CCDC40: variants seen among roughly 807,000 people sequenced by gnomAD.
CCDC40 encodes the protein coiled-coil domain 40 molecular ruler complex subunit, also known as coiled-coil domain-containing protein 40.
In CCDC40, 104 loss-of-function variants were observed where a neutral mutation model predicts 124.5. That is an observed-to-expected ratio of 0.84 (90% CI 0.71 to 0.98). The LOEUF (loss-of-function observed/expected upper bound fraction) is 0.98. Among genes scored for constraint, CCDC40 ranks in the 50% least tolerant of loss-of-function variants. CCDC40 has a pLI of 0.00. For missense variants in CCDC40, 1,463 were observed against 1,503.9 expected, an observed-to-expected ratio of 0.97 and a Z score of 0.45; for synonymous variants, 580 against 602.9, an observed-to-expected ratio of 0.96 and a Z score of 0.56.
intron 9 of CCDC40, among the ~76,000 whole-genome samples, chr17:80,060,831 G>A (rs1001928679): frequency 2.0e-5 from 3 of 152,186 alleles, no homozygotes; most frequent in Non-Finnish European, 2.9e-5. Flanking sequence ...TTACCAGAGA[G>A]CTAATGAATT....
intron 10 of CCDC40, among the ~76,000 whole-genome samples, chr17:80,073,536 G>A (rs2038241794): frequency 6.6e-6 from 1 of 152,190 alleles, no homozygotes; most frequent in South Asian, 2.1e-4. Context: ...ACTGAATCAA[G>A]ACATGTCGTG....
At position 80,047,351 on chromosome 17, in the gene CCDC40, G is replaced by T. The variant is rs750192339; in HGVS notation, c.625G>T (p.Gly209Trp). 6.2e-7 allele frequency: 1 copy of T among 1,613,792 alleles called. No individual in the cohort carries two copies. Among genetic ancestry groups the T allele is most frequent in the South Asian group, 1.1e-5 (1 of 91,044 alleles). Residue 209 changes from glycine (G) to tryptophan (W), a missense_variant, in exon 4 of 20, where the codon GGG becomes TGG. Physicochemically the swap from Gly to Trp is radical, Grantham distance 184. Transcript: ENST00000397545. ...CCAGCACCGCTTCCGGCTGAGCCACGGGAGCGACATCGAGTCCTCAGACCT... is the reference window on the plus strand; with the variant it reads ...CCAGCACCGCTTCCGGCTGAGCCACTGGAGCGACATCGAGTCCTCAGACCT... ...GVQHRFRLSHGSDIESSDLEE... is the reference protein window; with the variant it reads ...GVQHRFRLSHWSDIESSDLEE...
At chr17:80,074,641 A>G (rs2038270481) in intron 10 of CCDC40, among the ~76,000 whole-genome samples, 1 of 152,028 alleles carries the variant, frequency 6.6e-6, no homozygotes, top group Non-Finnish European at 1.5e-5. Context: ...AAGAAAGAAA[A>G]TGTACCTGGT....
intron 7 of CCDC40, among the ~76,000 whole-genome samples, chr17:80,053,629 G>C (rs918550892): frequency 6.6e-6 from 1 of 152,138 alleles, no homozygotes; most frequent in Non-Finnish European, 1.5e-5. Flanking sequence ...GTCTCTCTCT[G>C]TCGCCCAGGC....
intron 3 of CCDC40, among the ~76,000 whole-genome samples, chr17:80,044,107 G>A (rs894517048): frequency 6.6e-6 from 1 of 152,140 alleles, no homozygotes; most frequent in Non-Finnish European, 1.5e-5. Flanking sequence ...TACGAGGTAG[G>A]AACTATGATT....
chr17:80,094,734 C>T (rs951397464), intron 17 of CCDC40, among the ~76,000 whole-genome samples: 5 of 152,092 alleles, frequency 3.3e-5, no homozygotes, highest in Admixed American at 2.6e-4. Flanking sequence ...GGTTCTAACA[C>T]GCGCACACAT....
intron 17 of CCDC40, chr17:80,090,114 C>T (rs2038672467): frequency 6.5e-7 from 1 of 1,536,336 alleles, no homozygotes; most frequent in East Asian, 2.4e-5. Flanking sequence ...CCAGCTTTTA[C>T]CACACGCTTG....
chr17:80,082,706 G>A (rs544631259), intron 12 of CCDC40, among the ~76,000 whole-genome samples: 1 of 152,164 alleles, frequency 6.6e-6, no homozygotes, highest in Non-Finnish European at 1.5e-5. Flanking sequence ...GGCGTGGTGG[G>A]TGTGAAGGAG....
In CCDC40 at chr17:80,081,805, C is replaced by T. The variant is rs752363930; in HGVS notation, c.1806+16C>T. 6 of 1,613,812 alleles carry T rather than the reference C, an allele frequency of 3.7e-6. No individual in the cohort carries two copies. The Admixed American group carries it at 6.7e-5, about 18-fold the overall frequency. On this transcript the variant is annotated intron_variant, in intron 11 of 19. Coordinates refer to ENST00000397545, the MANE Select transcript of CCDC40 (RefSeq NM_017950.4). ...GGACCAGCTGGTGAGGCCGGGCCCG[C>T]CCCACAGGTCACACCTGGCGCACGG...
chr17:80,081,747 C>A lies in CCDC40; in HGVS notation c.1764C>A (p.Leu588=). ...AGAGCCAGTTCAATACCTACAGGCT[C>A]ACCCTGCAGGACACAGAGGATGCCC... ...ALQSQFNTYR[L]TLQDTEDALS... Residue 588 remains leucine, a synonymous_variant, in exon 11 of 20, where the codon CTC becomes CTA. Transcript: ENST00000397545. 6.2e-7 allele frequency: 1 copy of A among 1,614,066 alleles called. No individual in the cohort carries two copies. Among genetic ancestry groups the A allele is most frequent in the Middle Eastern group, 1.7e-4 (1 of 6,038 alleles).
intron 2 of CCDC40, among the ~76,000 whole-genome samples, chr17:80,039,366 C>CAA (rs200421388): frequency 2.1e-5 from 3 of 145,642 alleles, no homozygotes; most frequent in Non-Finnish European, 1.5e-5. Context: ...GCCCCTGTCA[C>CAA]AAAAAAAAAT....
chr17:80,085,034 C>T, intron 13 of CCDC40, 46 bp downstream of exon 13: 5 of 1,606,274 alleles, frequency 3.1e-6, no homozygotes, highest in Non-Finnish European at 4.2e-6. Context: ...GACTGTGGTG[C>T]CTGGTGGGGC....
chr17:80,094,743 A>G (rs2038777413), intron 17 of CCDC40, among the ~76,000 whole-genome samples: 1 of 152,146 alleles, frequency 6.6e-6, no homozygotes, highest in African/African-American at 2.4e-5. Context: ...ACGCGCACAC[A>G]TCTACGTAGC....
At chr17:80,081,819 C>T in intron 11 of CCDC40, 30 bp downstream of exon 11, 1 of 1,613,964 alleles carries the variant, frequency 6.2e-7, no homozygotes, top group Non-Finnish European at 8.5e-7. Context: ...ACAGGTCACA[C>T]CTGGCGCACG....
At chr17:80,084,494 A>G (rs1418697817) in intron 12 of CCDC40, among the ~76,000 whole-genome samples, 3 of 152,178 alleles carry the variant, frequency 2.0e-5, no homozygotes, top group African/African-American at 4.8e-5. Context: ...ACACAGCCAA[A>G]CCACATCAAT....
In CCDC40 at chr17:80,081,963, A is replaced by T. The variant is rs770932464; in HGVS notation, c.1894A>T (p.Ile632Phe). Reference protein sequence around the residue: ...LELRRKTDAAIREKLQEHMTS... With the variant: ...LELRRKTDAAFREKLQEHMTS... ...GCTCAGGAGGAAGACGGATGCTGCC[A>T]TCCGGGAGAAGCTGCAGGAGCACAT... Residue 632 changes from isoleucine (I) to phenylalanine (F), a missense_variant, in exon 12 of 20, where the codon ATC (isoleucine) becomes TTC (phenylalanine). By Grantham distance (21) the Ile-to-Phe change is conservative (BLOSUM62 0). Transcript: ENST00000397545. 1.2e-6 allele frequency: 2 copies of T among 1,613,952 alleles called. No homozygotes were observed. Among genetic ancestry groups the T allele is most frequent in the Admixed American group, 3.3e-5 (2 of 60,008 alleles).
rs1299718319 is a variant in CCDC40, at chr17:80,050,225, G to A, written c.1101G>A (p.Gln367=). ...SERRQKEEEL[Q]AARALYTKTC... ...GCAGGCAGAAGGAGGAGGAGCTGCA[G>A]GCCGCCCGCGCTCTCTACACCAAGA... is the stretch of plus-strand genomic sequence containing the variant. The change falls in exon 7 of 20, where the codon CAG becomes CAA. Residue 367 remains glutamine (Q), a synonymous_variant. Transcript: ENST00000397545. 3 of 1,602,848 alleles carry A rather than the reference G, an allele frequency of 1.9e-6. No homozygotes were observed. Among genetic ancestry groups the A allele is most frequent in the Middle Eastern group, 2.2e-4 (1 of 4,640 alleles).
intron 3 of CCDC40, among the ~76,000 whole-genome samples, chr17:80,042,020 A>G (rs1028402472): frequency 1.8e-4 from 27 of 152,090 alleles, no homozygotes; most frequent in African/African-American, 6.0e-4. Flanking sequence ...TTAGAATGGG[A>G]AAAAAATTGC....
chr17:80,066,102 C>A lies in CCDC40; in HGVS notation c.1562+496C>A. 1.4e-6 allele frequency: 1 copy of A among 702,978 alleles called. No individual in the cohort carries two copies. Among genetic ancestry groups the A allele is most frequent in the Non-Finnish European group, 2.6e-6 (1 of 384,978 alleles). 43.5% of individuals were successfully genotyped at this position (702,978 alleles called of 1,614,324 possible). A position where few individuals can be genotyped will look rare whatever the true frequency, so the allele number is the denominator to read the frequency against. ...GGGCAGGGCGTTGGAGACACAGGTG[C>A]TGCCTTCATTCCTAAAACCACCCAG... is the stretch of plus-strand genomic sequence containing the variant. On this transcript the variant is annotated intron_variant, in intron 10 of 19. Transcript: ENST00000397545. This position sits in a 1 kb window ranked among gnomAD's most constrained non-coding sequence, Gnocchi z 4.4.
Sources: allele counts gnomAD v4.1 joint callset (sites outside exome capture counted in the v4.1 genomes callset), GRCh38; gene constraint gnomAD v4.1.1; non-coding constraint Gnocchi (gnomAD v3.1); transcripts MANE v1.5; gene names NCBI Gene and HGNC (gene_info 2026-07-23, HGNC 2026-07-21).